Variants in EYA1 observed in about 807,000 individuals in gnomAD.
EYA1 encodes protein phosphatase EYA1.
A neutral mutation model predicts 82.0 loss-of-function variants in EYA1; 16 were observed. The observed-to-expected ratio is 0.20, with a 90% CI of 0.13 to 0.30. EYA1 has a LOEUF of 0.30. Among genes scored for constraint, EYA1 ranks in the 10% least tolerant of loss-of-function variants. EYA1 has a pLI of 1.00. For synonymous variants in EYA1, 261 were observed against 264.4 expected (o/e 0.99, Z 0.12); for missense variants, 633 against 730.7 (o/e 0.87, Z 1.54).
chr8:71,417,866 A>C (rs1196231273), intron 2 of EYA1, among the ~76,000 whole-genome samples: 1 of 152,160 alleles, frequency 6.6e-6, no homozygotes, highest in Non-Finnish European at 1.5e-5. Flanking sequence ...TTAAATCACC[A>C]TCATAATTCC....
chr8:71,428,728 C>G (rs1178873371), intron 2 of EYA1, among the ~76,000 whole-genome samples: 1 of 152,150 alleles, frequency 6.6e-6, no homozygotes, highest in Non-Finnish European at 1.5e-5. Context: ...CTGCTCTTTT[C>G]TTTTTCTATT....
chr8:71,201,859 A>G (rs1807070289), intron 17 of EYA1, among the ~76,000 whole-genome samples: 1 of 152,100 alleles, frequency 6.6e-6, no homozygotes, highest in Admixed American at 6.6e-5. Context: ...TTTATTTCTA[A>G]TTGTTTTTCT....
In EYA1 at chr8:71,361,805, T is replaced by C; in HGVS notation, c.-213A>G. 1.0e-6 allele frequency: 1 copy of C among 985,442 alleles called. No individual in the cohort carries two copies. The highest frequency in any genetic ancestry group is 1.2e-6 in the Non-Finnish European group (1 of 829,950). The allele number at this position is 985,442 out of a possible 1,614,324, so 61.0% of individuals were successfully genotyped here. A position where few individuals can be genotyped will look rare whatever the true frequency, so the allele number is the denominator to read the frequency against. On this transcript the variant is annotated 5_prime_UTR_variant, in exon 1 of 18. Transcript: ENST00000340726. ...GCGGCGCTTCTGGGAGTGGAGCGCC[T>C]CTGCAGGGGAAAGCTCGGCGCAGGG...
intron 2 of EYA1, among the ~76,000 whole-genome samples, chr8:71,514,149 C>A (rs886572480): frequency 7.9e-5 from 12 of 152,092 alleles, no homozygotes; most frequent in African/African-American, 2.9e-4. Context: ...TGTATATACA[C>A]AGCACTGGAA....
At chr8:71,438,991 C>T (rs1189919407) in intron 2 of EYA1, among the ~76,000 whole-genome samples, 1 of 151,856 alleles carries the variant, frequency 6.6e-6, no homozygotes, top group Non-Finnish European at 1.5e-5. Context: ...CAGGTTACAC[C>T]AGAACTTGAG....
intron 3 of EYA1, among the ~76,000 whole-genome samples, chr8:71,349,663 C>T (rs186632767): frequency 5.9e-5 from 9 of 152,254 alleles, no homozygotes; most frequent in East Asian, 1.9e-4. Flanking sequence ...TTCTATGTTA[C>T]GTCCTCACAG....
chr8:71,508,877 A>G (rs968068617), intron 2 of EYA1, among the ~76,000 whole-genome samples: 6 of 152,148 alleles, frequency 3.9e-5, no homozygotes, highest in African/African-American at 1.2e-4. Flanking sequence ...CTACTGCACT[A>G]AATAACAAGG....
upstream of EYA1, among the ~76,000 whole-genome samples, chr8:71,365,331 A>G (rs979076797): frequency 5.9e-5 from 9 of 152,092 alleles, no homozygotes; most frequent in African/African-American, 2.2e-4. Context: ...CTTTGAAATA[A>G]CGTTAGAAGC....
intron 9 of EYA1, among the ~76,000 whole-genome samples, chr8:71,279,087 A>T (rs1485026439): frequency 6.6e-6 from 1 of 152,242 alleles, no homozygotes; most frequent in Non-Finnish European, 1.5e-5. Flanking sequence ...CTGCTAAGAC[A>T]ATATAGCTTA....
intron 2 of EYA1, among the ~76,000 whole-genome samples, chr8:71,472,788 GAT>G (rs71264559): frequency 0.085 from 10,815 of 126,760 alleles, 492 homozygotes; most frequent in South Asian, 0.22. Context: ...TAGCTTTGAA[GAT>G]ATATATATAT....
chr8:71,330,858 T>TGG (rs1554554174), intron 4 of EYA1, among the ~76,000 whole-genome samples: 1 of 148,222 alleles, frequency 6.7e-6, no homozygotes, highest in Non-Finnish European at 1.5e-5. Context: ...TTCTTGTGTG[T>TGG]GTGTGTGTGT....
intron 11 of EYA1, among the ~76,000 whole-genome samples, chr8:71,257,607 G>A (rs1814595806): frequency 6.6e-6 from 1 of 152,178 alleles, no homozygotes; most frequent in African/African-American, 2.4e-5. Flanking sequence ...ATATAAGTGA[G>A]GATTTGGAAT....
chr8:71,530,276 T>A (rs1814159146), intron 2 of EYA1, among the ~76,000 whole-genome samples: 1 of 152,138 alleles, frequency 6.6e-6, no homozygotes, highest in Non-Finnish European at 1.5e-5. Flanking sequence ...GGATGGCCGG[T>A]GCACTCCCAG....
At chr8:71,432,882 C>T (rs1471581279) in intron 2 of EYA1, among the ~76,000 whole-genome samples, 1 of 152,152 alleles carries the variant, frequency 6.6e-6, no homozygotes, top group Non-Finnish European at 1.5e-5. Context: ...TACAAACCAC[C>T]ATGGTACTAT....
chr8:71,447,049 T>C (rs943673304), intron 2 of EYA1, among the ~76,000 whole-genome samples: 3 of 150,240 alleles, frequency 2.0e-5, no homozygotes, highest in Admixed American at 1.3e-4. Context: ...TTAGCGGAAC[T>C]GTCATGCTCT....
chr8:71,199,023 T>TAAC lies in EYA1; in HGVS notation c.*314_*316dup, dbSNP rs1334992276. Reference sequence around the variant, plus strand: ...GCTGTTTATATCACATTGAAAATGCTAACAACTGAAGCGTTTGCAGGTCCT... The same window carrying TAAC: ...GCTGTTTATATCACATTGAAAATGCTAACAACAACTGAAGCGTTTGCAGGTCCT... On this transcript the variant is annotated 3_prime_UTR_variant, in exon 18 of 18. Coordinates refer to ENST00000340726, the MANE Select transcript of EYA1 (RefSeq NM_000503.6). The TAAC allele has an allele frequency of 2.5e-6, 1 of 399,658 alleles. No homozygotes were observed. Among genetic ancestry groups the TAAC allele is most frequent in the Non-Finnish European group, 4.7e-6 (1 of 211,486 alleles). The allele number at this position is 399,658 out of a possible 1,614,324, so 24.8% of individuals were successfully genotyped here.
At chr8:71,371,053 C>T (rs1011194247) in intron 2 of EYA1, among the ~76,000 whole-genome samples, 1 of 152,122 alleles carries the variant, frequency 6.6e-6, no homozygotes. Flanking sequence ...AAAGTTACAC[C>T]ACCCAACTCC....
chr8:71,332,762 C>T (rs1824034197), intron 4 of EYA1, among the ~76,000 whole-genome samples: 1 of 152,104 alleles, frequency 6.6e-6, no homozygotes, highest in Non-Finnish European at 1.5e-5. Flanking sequence ...TAGACTCTGG[C>T]CCCTGCCTCC....
chr8:71,540,123 A>C (rs1439197912), intron 1 of EYA1, among the ~76,000 whole-genome samples: 1 of 65,788 alleles, frequency 1.5e-5, no homozygotes, highest in African/African-American at 1.6e-4. Flanking sequence ...TTTAAAGTAC[A>C]TAAAATAAAA....
Sources: gnomAD v4.1 joint callset for allele counts (sites outside exome capture counted in the v4.1 genomes callset) on GRCh38, gnomAD v4.1.1 for gene constraint, MANE v1.5 for transcripts, NCBI Gene and HGNC (gene_info 2026-07-23, HGNC 2026-07-21) for gene names.